LRRC4C: variants seen among roughly 807,000 people sequenced by gnomAD.
LRRC4C encodes the protein leucine rich repeat containing 4C.
A neutral mutation model predicts 33.6 loss-of-function variants in LRRC4C; 5 were observed. That is an observed-to-expected ratio of 0.15 (90% CI 0.08 to 0.31). LRRC4C has a LOEUF of 0.31. Ranked by LOEUF, LRRC4C falls within the 10% of genes least tolerant of loss-of-function variation. LRRC4C has a pLI of 1.00. For synonymous variants in LRRC4C, 329 were observed against 302.0 expected (o/e 1.09, Z -0.93); for missense variants, 560 against 796.7 (o/e 0.70, Z 3.58).
chr11:40,599,898 GGGC>G (rs1172397746), intron 3 of LRRC4C, among the ~76,000 whole-genome samples: 1 of 152,098 alleles, frequency 6.6e-6, no homozygotes, highest in Admixed American at 6.6e-5. Context: ...AATATCCTCT[GGGC>G]ACAACGGCAA....
intron 1 of LRRC4C, among the ~76,000 whole-genome samples, chr11:41,074,102 G>A (rs973170007): frequency 1.1e-4 from 16 of 151,914 alleles, no homozygotes; most frequent in Non-Finnish European, 8.8e-5. Context: ...AATAATCATC[G>A]ATAACAAATA....
intron 3 of LRRC4C, among the ~76,000 whole-genome samples, chr11:40,408,118 A>G (rs1313214099): frequency 6.6e-6 from 1 of 152,016 alleles, no homozygotes; most frequent in Non-Finnish European, 1.5e-5. Context: ...TCAATCGGAT[A>G]TGAGATTCCT....
intron 3 of LRRC4C, among the ~76,000 whole-genome samples, chr11:40,371,374 A>C (rs1948441536): frequency 6.6e-6 from 1 of 152,198 alleles, no homozygotes; most frequent in South Asian, 2.1e-4. Context: ...CATTTTTGAC[A>C]AGTCTATTGG....
intron 2 of LRRC4C, among the ~76,000 whole-genome samples, chr11:40,737,035 C>T (rs11036053): frequency 0.018 from 2,784 of 152,124 alleles, 86 homozygotes; most frequent in African/African-American, 0.062. Flanking sequence ...GCTTTGGTTG[C>T]CATTGCTTTT....
At chr11:41,299,873 T>C (rs1474739678) in intron 1 of LRRC4C, among the ~76,000 whole-genome samples, 1 of 152,146 alleles carries the variant, frequency 6.6e-6, no homozygotes, top group Non-Finnish European at 1.5e-5. Flanking sequence ...GGAAATGAAC[T>C]TATTTTACTG....
chr11:40,948,044 T>C (rs1958490650), intron 1 of LRRC4C, among the ~76,000 whole-genome samples: 1 of 152,212 alleles, frequency 6.6e-6, no homozygotes, highest in Non-Finnish European at 1.5e-5. Flanking sequence ...TAGAATTCAG[T>C]CATCGCCAGT....
At chr11:40,636,578 A>G (rs1941763712) in intron 3 of LRRC4C, among the ~76,000 whole-genome samples, 1 of 152,164 alleles carries the variant, frequency 6.6e-6, no homozygotes, top group African/African-American at 2.4e-5. Context: ...ATGTTCTCAT[A>G]AATATCCCAA....
At chr11:40,358,530 C>T (rs1371350263) in intron 3 of LRRC4C, among the ~76,000 whole-genome samples, 2 of 152,102 alleles carry the variant, frequency 1.3e-5, no homozygotes, top group African/African-American at 2.4e-5. Context: ...ATCCACCTGC[C>T]TCAGCTTCCT....
At chr11:40,699,564 A>G (rs1423431794) in intron 2 of LRRC4C, among the ~76,000 whole-genome samples, 1 of 152,196 alleles carries the variant, frequency 6.6e-6, no homozygotes, top group Non-Finnish European at 1.5e-5. Flanking sequence ...TTAGATGAAG[A>G]GAAATTTGAT....
intron 3 of LRRC4C, among the ~76,000 whole-genome samples, chr11:40,525,251 C>T (rs2135262348): frequency 6.6e-6 from 1 of 152,172 alleles, no homozygotes; most frequent in Non-Finnish European, 1.5e-5. Context: ...TCGAGACCAT[C>T]CTGGCTAACA....
At chr11:41,165,989 C>G (rs1410819534) in intron 1 of LRRC4C, among the ~76,000 whole-genome samples, 1 of 151,408 alleles carries the variant, frequency 6.6e-6, no homozygotes, top group Non-Finnish European at 1.5e-5. Flanking sequence ...CGAAATCGTG[C>G]CATTGCACTC....
intron 3 of LRRC4C, among the ~76,000 whole-genome samples, chr11:40,586,504 T>C (rs933770601): frequency 2.7e-5 from 4 of 149,760 alleles, no homozygotes; most frequent in African/African-American, 9.9e-5. Context: ...CAATTTTCTC[T>C]TTTGTTGCCA....
chr11:40,815,752 C>T (rs1951682247), intron 2 of LRRC4C, among the ~76,000 whole-genome samples: 1 of 152,128 alleles, frequency 6.6e-6, no homozygotes, highest in Non-Finnish European at 1.5e-5. Context: ...ACTGGTTGAC[C>T]TGCACCTTCC....
At chr11:41,209,556 A>G (rs1284018792) in intron 1 of LRRC4C, among the ~76,000 whole-genome samples, 1 of 151,820 alleles carries the variant, frequency 6.6e-6, no homozygotes, top group African/African-American at 2.4e-5. Context: ...GAGGCAGGGG[A>G]ATCCCTTGAA....
At chr11:41,404,734 G>A (rs1168212339) in intron 1 of LRRC4C, among the ~76,000 whole-genome samples, 1 of 151,940 alleles carries the variant, frequency 6.6e-6, no homozygotes, top group Non-Finnish European at 1.5e-5. Context: ...AAAAATACAG[G>A]TACTTTTCAC....
At chr11:41,431,359 T>C (rs527860554) in intron 1 of LRRC4C, among the ~76,000 whole-genome samples, 2 of 151,938 alleles carry the variant, frequency 1.3e-5, no homozygotes, top group African/African-American at 4.8e-5. Flanking sequence ...AGTTAATTTT[T>C]AATAAAAGAG....
intron 3 of LRRC4C, among the ~76,000 whole-genome samples, chr11:40,491,472 G>A (rs190993451): frequency 5.8e-4 from 89 of 152,248 alleles, no homozygotes; most frequent in African/African-American, 2.1e-3. Flanking sequence ...GTTGGCTAGG[G>A]ATGCAATCTC....
chr11:40,589,869 CT>C (rs1313520570), intron 3 of LRRC4C, among the ~76,000 whole-genome samples: 1 of 149,684 alleles, frequency 6.7e-6, no homozygotes, highest in Non-Finnish European at 1.5e-5. Context: ...ATGGGCTTCC[CT>C]TTGAGGGTAA....
intron 1 of LRRC4C, among the ~76,000 whole-genome samples, chr11:41,098,272 C>T (rs189535881): frequency 1.2e-4 from 19 of 152,216 alleles, no homozygotes; most frequent in South Asian, 4.1e-4. Context: ...AAAATCACTG[C>T]GGCCACACTG....
Sources: gnomAD v4.1 joint callset for allele counts (sites outside exome capture counted in the v4.1 genomes callset) on GRCh38, gnomAD v4.1.1 for gene constraint, MANE v1.5 for transcripts, NCBI Gene and HGNC (gene_info 2026-07-23, HGNC 2026-07-21) for gene names.